The following ZBTB41 variants were observed in gnomAD, a reference collection of about 807,000 sequenced individuals.
ZBTB41 encodes the protein zinc finger and BTB domain containing 41.
ZBTB41 carries 42 observed loss-of-function variants against 87.6 expected under a neutral mutation model. The observed-to-expected ratio is 0.48, with a 90% CI of 0.37 to 0.62. ZBTB41 has a LOEUF of 0.62. ZBTB41 is among the 20% of genes least tolerant of loss of function. The pLI is 0.00. For missense variants in ZBTB41, 799 were observed against 1,078.9 expected, an observed-to-expected ratio of 0.74 and a Z score of 3.63; for synonymous variants, 364 against 364.0, an observed-to-expected ratio of 1.00 and a Z score of 0.00.
At position 197,159,892 on chromosome 1, in the gene ZBTB41, A is replaced by G; in HGVS notation, c.2197T>C (p.Phe733Leu). ...TATTTCAGCTTGTCTTTCCGCTTAA[A>G]TGTTGCATTACAGTGCTGACAGTTG... is the stretch of plus-strand genomic sequence containing the variant. ...PFNCQHCNAT[F>L]KRKDKLKYHI... Residue 733 changes from phenylalanine to leucine, a missense_variant, in exon 11 of 11, where the codon TTT becomes CTT. Phe to Leu is a conservative substitution (Grantham distance 22). Around this residue, in one of 5 missense-constraint regions of ZBTB41, gnomAD observed 198 missense variants for 358.4 expected, o/e 0.55. Transcript: ENST00000367405. 1 of 1,613,988 alleles carries G rather than the reference A, an allele frequency of 6.2e-7. No homozygotes were observed. Among genetic ancestry groups the G allele is most frequent in the Non-Finnish European group, 8.5e-7 (1 of 1,179,882 alleles).
At chr1:197,187,206 A>T (rs1240012227) in intron 5 of ZBTB41, among the ~76,000 whole-genome samples, 1 of 152,250 alleles carries the variant, frequency 6.6e-6, no homozygotes, top group Non-Finnish European at 1.5e-5. Context: ...AAGGTATTTA[A>T]CCAAAGGAAT....
intron 5 of ZBTB41, among the ~76,000 whole-genome samples, chr1:197,181,451 G>C (rs1659746124): frequency 6.6e-6 from 1 of 152,090 alleles, no homozygotes; most frequent in African/African-American, 2.4e-5. Context: ...AAAAACTTTG[G>C]AAGAATGAAT....
chr1:197,173,357 A>T (rs1184516002), intron 9 of ZBTB41, among the ~76,000 whole-genome samples: 1 of 152,082 alleles, frequency 6.6e-6, no homozygotes, highest in African/African-American at 2.4e-5. Flanking sequence ...AGACAACATA[A>T]AAAGCACTGT....
At chr1:197,178,208 G>A (rs562600440) in intron 7 of ZBTB41, among the ~76,000 whole-genome samples, 38 of 151,674 alleles carry the variant, frequency 2.5e-4, no homozygotes, top group Non-Finnish European at 4.4e-4. Flanking sequence ...AACTTGGTGT[G>A]AGAAAATATT....
chr1:197,188,997 C>T (rs143026991), intron 4 of ZBTB41, among the ~76,000 whole-genome samples: 134 of 152,230 alleles, frequency 8.8e-4, no homozygotes, highest in Admixed American at 4.4e-3. Context: ...TCTTGATTCT[C>T]ACAATAATTC....
At chr1:197,198,190 A>G (rs550314239) in intron 2 of ZBTB41, among the ~76,000 whole-genome samples, 1 of 152,354 alleles carries the variant, frequency 6.6e-6, no homozygotes, top group East Asian at 1.9e-4. Context: ...TTACTGAAGA[A>G]GTTATTTTAT....
In ZBTB41 at chr1:197,159,454, G is replaced by C. The variant is rs1302536010; in HGVS notation, c.2635C>G (p.Leu879Val). The change falls in exon 11 of 11, where the codon CTA becomes GTA. Residue 879 changes from leucine to valine, a missense_variant. By Grantham distance (32) the Leu-to-Val change is conservative (BLOSUM62 1). Transcript: ENST00000367405. ...IVHPVRPEQM[L>V]DPREQSYLGT... Reference sequence around the variant, plus strand: ...AGATAAGATTGTTCTCTAGGATCTAGCATTTGTTCAGGTCGAACTGGGTGA... The same window carrying C: ...AGATAAGATTGTTCTCTAGGATCTACCATTTGTTCAGGTCGAACTGGGTGA... 6.2e-7 allele frequency: 1 copy of C among 1,613,906 alleles called. No individual in the cohort carries two copies. The highest frequency in any genetic ancestry group is 1.7e-5 in the Admixed American group (1 of 59,994).
chr1:197,169,904 A>AG (rs1417519011), intron 10 of ZBTB41, among the ~76,000 whole-genome samples: 1 of 152,034 alleles, frequency 6.6e-6, no homozygotes, highest in Admixed American at 6.6e-5. Context: ...CATCTGTACA[A>AG]GAAAATCTTA....
At chr1:197,190,853 A>T in intron 3 of ZBTB41, 22 bp from the exon 4 acceptor site, 1 of 1,474,150 alleles carries the variant, frequency 6.8e-7, no homozygotes, top group East Asian at 2.3e-5. Context: ...AAAGAAAAAG[A>T]TTATTAGGAA....
intron 6 of ZBTB41, among the ~76,000 whole-genome samples, chr1:197,180,473 G>C (rs1356131546): frequency 6.6e-6 from 1 of 152,124 alleles, no homozygotes; most frequent in Non-Finnish European, 1.5e-5. Flanking sequence ...GTAGAGTTTT[G>C]CCAGTAGATG....
intron 10 of ZBTB41, among the ~76,000 whole-genome samples, chr1:197,166,165 A>G (rs1313778364): frequency 4.6e-5 from 7 of 152,204 alleles, no homozygotes; most frequent in African/African-American, 1.7e-4. Context: ...CATTCTGCAC[A>G]TGTATCCCAG....
intron 10 of ZBTB41, among the ~76,000 whole-genome samples, chr1:197,162,057 A>G (rs1659214878): frequency 6.6e-6 from 1 of 152,174 alleles, no homozygotes; most frequent in South Asian, 2.1e-4. Context: ...GTGTGTAACA[A>G]ATACTTTTAG....
rs1452446898 is a variant in ZBTB41, at chr1:197,155,790, A to C, written c.*3569T>G. 6.6e-6 allele frequency: 1 copy of C among 152,366 alleles called. No homozygotes were observed. The allele number at this position is 152,366 out of a possible 1,614,324, so 9.4% of individuals were successfully genotyped here. ...CCTAATAAAGCACCAATTTAAAACC[A>C]TATTTTTGCTACTCCTATTCTCCCA... On this transcript the variant is annotated 3_prime_UTR_variant, in exon 11 of 11. Transcript: ENST00000367405.
At chr1:197,172,121 C>CTATATA in intron 10 of ZBTB41, 39 bp downstream of exon 10, 1 of 771,914 alleles carries the variant, frequency 1.3e-6, no homozygotes, top group Non-Finnish European at 1.9e-6. Context: ...ATATCTCTCT[C>CTATATA]TATATATATA....
At chr1:197,198,927 G>T (rs1021468735) in intron 2 of ZBTB41, among the ~76,000 whole-genome samples, 3 of 152,046 alleles carry the variant, frequency 2.0e-5, no homozygotes, top group African/African-American at 7.2e-5. Flanking sequence ...TACTGGAAAA[G>T]TGACAACATT....
chr1:197,184,202 A>G (rs1033061910), intron 5 of ZBTB41, among the ~76,000 whole-genome samples: 1 of 152,212 alleles, frequency 6.6e-6, no homozygotes, highest in African/African-American at 2.4e-5. Context: ...CAGTTTGGTA[A>G]CTATAAAAAC....
Position 197,157,536 on chromosome 1 carries a change from C to A in ZBTB41, c.*1823G>T, listed in dbSNP as rs574156088. 3 of 152,002 alleles carry A rather than the reference C, an allele frequency of 2.0e-5. No individual in the cohort carries two copies. Among genetic ancestry groups the A allele is most frequent in the Non-Finnish European group, 4.4e-5 (3 of 67,670 alleles). The allele number at this position is 152,002 out of a possible 1,614,324, so 9.4% of individuals were successfully genotyped here. On this transcript the variant is annotated 3_prime_UTR_variant, in exon 11 of 11. Coordinates refer to ENST00000367405, the MANE Select transcript of ZBTB41 (RefSeq NM_194314.3). Reference sequence around the variant, plus strand: ...GACTAACAGTACCTCATATAGTCAACCTCAATCATGTAAGTACCCCAGATA... The same window carrying A: ...GACTAACAGTACCTCATATAGTCAAACTCAATCATGTAAGTACCCCAGATA...
At chr1:197,169,971 AAG>A (rs2125126761) in intron 10 of ZBTB41, among the ~76,000 whole-genome samples, 1 of 152,088 alleles carries the variant, frequency 6.6e-6, no homozygotes, top group South Asian at 2.1e-4. Flanking sequence ...TAAAATAGAG[AAG>A]AGTCATAGGA....
Position 197,199,929 on chromosome 1 carries a change from A to ATC in ZBTB41, c.544_545insGA (p.Phe182Ter). 1 of 1,612,912 alleles carries ATC rather than the reference A, an allele frequency of 6.2e-7. No homozygotes were observed. Among genetic ancestry groups the ATC allele is most frequent in the Non-Finnish European group, 8.5e-7 (1 of 1,179,378 alleles). Reference protein sequence around the residue: ...KLLNNENVAPFHSELTEKSSP... With the variant: ...KLLNNENVAP ...TGACTTTTCAGTTAGCTCTGAATGA[A>ATC]AAGGGGCAACATTTTCGTTATTTAA... Residue 182 changes from phenylalanine to a stop codon, truncating the protein, a stop_gained and frameshift_variant, in exon 2 of 11, where the codon TTT (phenylalanine) becomes TGATT (stop). Coordinates refer to ENST00000367405, the MANE Select transcript of ZBTB41 (RefSeq NM_194314.3). LOFTEE classifies it high-confidence loss of function.
Sources: allele counts gnomAD v4.1 joint callset (sites outside exome capture counted in the v4.1 genomes callset), GRCh38; gene constraint gnomAD v4.1.1; regional missense constraint gnomAD v4.1.1; transcripts MANE v1.5; gene names NCBI Gene and HGNC (gene_info 2026-07-23, HGNC 2026-07-21).